CXCL14: variants seen among roughly 807,000 people sequenced by gnomAD.
CXCL14 encodes the protein C-X-C motif chemokine ligand 14.
In CXCL14, 9 loss-of-function variants were observed where a neutral mutation model predicts 16.1. The ratio of observed to expected loss-of-function variants is 0.56; its 90% CI spans 0.34 to 0.97. The LOEUF (loss-of-function observed/expected upper bound fraction) is 0.97, where lower values mean the gene tolerates loss of function less well. CXCL14 is among the 50% of genes least tolerant of loss of function. The pLI is 0.02. For missense variants in CXCL14, 111 were observed against 132.5 expected, an observed-to-expected ratio of 0.84 and a Z score of 0.80; for synonymous variants, 55 against 52.8, an observed-to-expected ratio of 1.04 and a Z score of -0.18.
chr5:135,578,338 G>C, intron 2 of CXCL14, 96 bp downstream of exon 2: 1 of 1,021,728 alleles, frequency 9.8e-7, no homozygotes, highest in Non-Finnish European at 1.5e-6. Context: ...CAAAGTCGGA[G>C]AGAAATGTTT....
intron 3 of CXCL14, among the ~76,000 whole-genome samples, chr5:135,573,142 TC>T (rs1402724408): frequency 2.0e-5 from 3 of 152,126 alleles, no homozygotes; most frequent in East Asian, 3.9e-4. Context: ...GGTTTGAGTA[TC>T]CCCCAGCAAT....
intron 3 of CXCL14, among the ~76,000 whole-genome samples, chr5:135,572,713 G>C (rs1751046265): frequency 6.6e-6 from 1 of 152,220 alleles, no homozygotes; most frequent in Non-Finnish European, 1.5e-5. Flanking sequence ...GTGGTGGCCA[G>C]AAGCTCCCTG....
rs1342174542 is a variant in CXCL14, at chr5:135,578,830, C to T, written c.-52G>A. On this transcript the variant is annotated 5_prime_UTR_variant, in exon 1 of 4. Coordinates refer to ENST00000512158, the MANE Select transcript of CXCL14 (RefSeq NM_004887.5). Reference sequence around the variant, plus strand: ...GCAGGGACATGGGGAGGGCGCTGGCCCGTCGGAGCGGCGGCCCGGAGACGC... The same window carrying T: ...GCAGGGACATGGGGAGGGCGCTGGCTCGTCGGAGCGGCGGCCCGGAGACGC... The T allele has an allele frequency of 4.0e-6, 6 of 1,486,586 alleles. No individual in the cohort carries two copies. Among genetic ancestry groups the T allele is most frequent in the East Asian group, 2.6e-5 (1 of 38,780 alleles). The allele number at this position is 1,486,586 out of a possible 1,614,324, so 92.1% of individuals were successfully genotyped here.
intron 3 of CXCL14, among the ~76,000 whole-genome samples, chr5:135,574,363 A>G (rs541829101): frequency 1.9e-4 from 29 of 152,376 alleles, no homozygotes; most frequent in African/African-American, 7.0e-4. Context: ...TTGCAAATGG[A>G]CAAGAGATGG....
chr5:135,571,742 CTTTTTT>C lies in CXCL14; in HGVS notation c.*105_*110del, dbSNP rs566365690. 12 of 460,608 alleles carry C rather than the reference CTTTTTT, an allele frequency of 2.6e-5. No homozygotes were observed. The African/African-American group carries it at 3.0e-4, about 11-fold the overall frequency. 28.5% of individuals were successfully genotyped at this position (460,608 alleles called of 1,614,324 possible). A position where few individuals can be genotyped will look rare whatever the true frequency, so the allele number is the denominator to read the frequency against. On this transcript the variant is annotated 3_prime_UTR_variant, in exon 4 of 4. Coordinates refer to ENST00000512158, the MANE Select transcript of CXCL14 (RefSeq NM_004887.5). Reference sequence around the variant, plus strand: ...GTCTTATGCCTGTGAGAAAGAAAGGCTTTTTTTTTTTTTTTTTTTTTTTTTTTTTTT... The same window carrying C: ...GTCTTATGCCTGTGAGAAAGAAAGGCTTTTTTTTTTTTTTTTTTTTTTTTT...
At chr5:135,572,880 T>A (rs1407670891) in intron 3 of CXCL14, among the ~76,000 whole-genome samples, 1 of 152,162 alleles carries the variant, frequency 6.6e-6, no homozygotes, top group Non-Finnish European at 1.5e-5. Flanking sequence ...TTATCACTGT[T>A]CTATGTTCAT....
chr5:135,573,739 T>TGC (rs994235726), intron 3 of CXCL14, among the ~76,000 whole-genome samples: 8 of 151,302 alleles, frequency 5.3e-5, no homozygotes, highest in African/African-American at 2.0e-4. Context: ...TGTGTGTGTG[T>TGC]GTGCTTCCTG....
intron 3 of CXCL14, 74 bp downstream of exon 3, chr5:135,574,497 TG>T (rs1216455423): frequency 4.6e-5 from 54 of 1,168,380 alleles, no homozygotes; most frequent in East Asian, 2.5e-4. Context: ...GATGACCTGG[TG>T]GGGGGGTCCC....
intron 2 of CXCL14, among the ~76,000 whole-genome samples, chr5:135,575,886 G>A (rs1165143203): frequency 6.6e-6 from 1 of 152,212 alleles, no homozygotes; most frequent in Non-Finnish European, 1.5e-5. Context: ...GGAAGTGAGA[G>A]TGGAAAGAGT....
Position 135,571,708 on chromosome 5 carries a change from A to C in CXCL14, c.*145T>G. 1.2e-6 allele frequency: 1 copy of C among 808,416 alleles called. No individual in the cohort carries two copies. The highest frequency in any genetic ancestry group is 2.0e-5 in the African/African-American group (1 of 50,350). 50.1% of individuals were successfully genotyped at this position (808,416 alleles called of 1,614,324 possible). A position where few individuals can be genotyped will look rare whatever the true frequency, so the allele number is the denominator to read the frequency against. ...GGTAAAAAGTGCTTCATAACAATAT[A>C]TAATTTGTGTCTTATGCCTGTGAGA... On this transcript the variant is annotated 3_prime_UTR_variant, in exon 4 of 4. Coordinates refer to ENST00000512158, the MANE Select transcript of CXCL14 (RefSeq NM_004887.5).
Position 135,578,499 on chromosome 5 carries a change from G to T in CXCL14, c.105C>A (p.Arg35=), listed in dbSNP as rs1751154737. Residue 35 remains arginine, a synonymous_variant, in exon 2 of 4, where the codon CGC becomes CGA. Transcript: ENST00000512158. ...CKCSRKGPKI[R]YSDVKKLEMK... is the part of the protein sequence containing the mutation. ...TTTCCAGCTTCTTCACGTCGCTGTAGCGGATCTTGGGTCCCTTCCGGGAGC... is the reference window on the plus strand; with the variant it reads ...TTTCCAGCTTCTTCACGTCGCTGTATCGGATCTTGGGTCCCTTCCGGGAGC... 2 of 1,614,126 alleles carry T rather than the reference G, an allele frequency of 1.2e-6. No individual in the cohort carries two copies. The highest frequency in any genetic ancestry group is 2.2e-5 in the South Asian group (2 of 91,088).
At chr5:135,573,185 C>A (rs1751051239) in intron 3 of CXCL14, among the ~76,000 whole-genome samples, 1 of 152,216 alleles carries the variant, frequency 6.6e-6, no homozygotes, top group African/African-American at 2.4e-5. Context: ...TCTTCCATAA[C>A]CTGCCCATGG....
Position 135,578,953 on chromosome 5 carries a change from G to A in CXCL14, c.-175C>T, listed in dbSNP as rs930613864. The stretch of plus-strand genomic sequence containing the variant: ...TGGATGCCCAGGGCTGTCTGTGGCC[G>A]TGCGCTGCGCTCTGCGCTTGTCTCC... On this transcript the variant is annotated 5_prime_UTR_variant, in exon 1 of 4. In the 5' UTR this introduces an upstream ATG that the reference lacks. Transcript: ENST00000512158. 3 of 635,096 alleles carry A rather than the reference G, an allele frequency of 4.7e-6. No homozygotes were observed. The highest frequency in any genetic ancestry group is 7.5e-6 in the Non-Finnish European group (3 of 400,226). The allele number at this position is 635,096 out of a possible 1,614,324, so 39.3% of individuals were successfully genotyped here. A position where few individuals can be genotyped will look rare whatever the true frequency, so the allele number is the denominator to read the frequency against.
At chr5:135,578,623 C>T (rs983027417) in intron 1 of CXCL14, 84 bp from the exon 2 acceptor site, 1 of 1,593,480 alleles carries the variant, frequency 6.3e-7, no homozygotes, top group Non-Finnish European at 8.6e-7. Flanking sequence ...AGACCACCCC[C>T]CGCGGGATCC....
Sources: gnomAD v4.1 joint callset for allele counts (sites outside exome capture counted in the v4.1 genomes callset) on GRCh38, gnomAD v4.1.1 for gene constraint, MANE v1.5 for transcripts, NCBI Gene and HGNC (gene_info 2026-07-23, HGNC 2026-07-21) for gene names.